AOPEP: variants seen among roughly 807,000 people sequenced by gnomAD.
AOPEP encodes the protein aminopeptidase O (putative).
Under a neutral mutation model 98.1 loss-of-function variants are expected in AOPEP, and 77 were observed. That is an observed-to-expected ratio of 0.78 (90% CI 0.65 to 0.95). The LOEUF (loss-of-function observed/expected upper bound fraction) is 0.95. Ranked by LOEUF, AOPEP falls within the 40% of genes least tolerant of loss-of-function variation. The pLI is 0.00. For synonymous variants in AOPEP, 346 were observed against 365.3 expected (o/e 0.95, Z 0.60); for missense variants, 1,024 against 1,024.7 (o/e 1.00, Z 0.01).
rs1399074502 is a variant in AOPEP, at chr9:95,003,597, TTTATAA to T, written c.1978-1556_1978-1551del. 3.3e-5 allele frequency among the ~76,000 whole-genome samples: 5 copies of T among 152,244 alleles called. No homozygotes were observed. The East Asian group carries it at 7.7e-4, about 23-fold the overall frequency. ...CAGCTCAGAATAATCCACTTCACCA[TTTATAA>T]TTATTTACCTGCCTATGTGCAAGAT... On this transcript the variant is annotated intron_variant, in intron 11 of 16. Transcript: ENST00000375315.
the AOPEP span, among the ~76,000 whole-genome samples, chr9:95,107,984 C>A: frequency 6.6e-6 from 1 of 152,166 alleles, no homozygotes; most frequent in African/African-American, 2.4e-5. Context: ...TACACCCAGT[C>A]GTGACTTGGA....
the AOPEP span, among the ~76,000 whole-genome samples, chr9:95,136,412 T>C: frequency 6.6e-6 from 1 of 151,660 alleles, no homozygotes; most frequent in African/African-American, 2.4e-5. Context: ...TCATATATGG[T>C]AGTTATGGCC....
intron 3 of AOPEP, among the ~76,000 whole-genome samples, chr9:94,773,654 TAAGA>T (rs1466553065): frequency 6.6e-6 from 1 of 152,208 alleles, no homozygotes; most frequent in Admixed American, 6.5e-5. Flanking sequence ...CAAAGGTGTA[TAAGA>T]AAGATGGAAG....
intron 5 of AOPEP, among the ~76,000 whole-genome samples, chr9:94,903,547 G>C: frequency 6.6e-6 from 1 of 151,808 alleles, no homozygotes. Context: ...CCAGTACATT[G>C]GGAGGCTGAG....
chr9:94,841,995 A>G (rs748706532), intron 5 of AOPEP, among the ~76,000 whole-genome samples: 2 of 151,886 alleles, frequency 1.3e-5, no homozygotes, highest in African/African-American at 4.8e-5. Flanking sequence ...CAAGGCTGCA[A>G]TGAGCTATGG....
rs114330131 is a variant in AOPEP, at chr9:94,835,406, T to C, written c.1364+34404T>C. On this transcript the variant is annotated intron_variant, in intron 5 of 16. Transcript: ENST00000375315. ...AACCTTGGCCAGTATTTTCTTTTAT[T>C]CTGCATATCACTAGAAACAGAACAG... Among the ~76,000 whole-genome samples the C allele has an allele frequency of 6.5e-3, 992 of 152,336 alleles. 9 individuals carry two copies. The highest frequency in any genetic ancestry group is 0.023 in the African/African-American group (936 of 41,570).
chr9:95,089,065 C>A (rs1408415210), downstream of AOPEP, among the ~76,000 whole-genome samples: 3 of 152,214 alleles, frequency 2.0e-5, no homozygotes, highest in African/African-American at 7.2e-5. Flanking sequence ...CGAGGCTCTG[C>A]AACTGCCCTC....
intron 5 of AOPEP, among the ~76,000 whole-genome samples, chr9:94,864,357 T>G (rs1245429059): frequency 6.6e-6 from 1 of 152,232 alleles, no homozygotes; most frequent in African/African-American, 2.4e-5. Flanking sequence ...ACTCAGTTGC[T>G]TATTATATGA....
chr9:95,100,517 C>T, the AOPEP span: 1 of 232,168 alleles, frequency 4.3e-6, no homozygotes, highest in African/African-American at 2.2e-5. Flanking sequence ...TCTTGACTCA[C>T]TTGACAAACA....
chr9:94,903,623 T>TAAAA (rs11375914), intron 5 of AOPEP, among the ~76,000 whole-genome samples: 4 of 136,664 alleles, frequency 2.9e-5, no homozygotes, highest in African/African-American at 8.2e-5. Flanking sequence ...ACTCCATCTC[T>TAAAA]AAAAAAAAAA....
chr9:94,787,203 G>T (rs1844622349), intron 3 of AOPEP, among the ~76,000 whole-genome samples: 1 of 152,116 alleles, frequency 6.6e-6, no homozygotes, highest in Non-Finnish European at 1.5e-5. Flanking sequence ...CAAACTCTGG[G>T]TCATTTACGG....
At chr9:94,855,954 CATT>C (rs745785880) in intron 5 of AOPEP, among the ~76,000 whole-genome samples, 10 of 152,100 alleles carry the variant, frequency 6.6e-5, no homozygotes, top group Non-Finnish European at 1.3e-4. Flanking sequence ...ATTGAGGAAA[CATT>C]AGAATAAGAA....
intron 9 of AOPEP, among the ~76,000 whole-genome samples, chr9:94,956,825 TGTGA>T (rs1212845818): frequency 6.6e-6 from 1 of 152,238 alleles, no homozygotes; most frequent in Non-Finnish European, 1.5e-5. Flanking sequence ...CATATACAGC[TGTGA>T]GTCTCATTAT....
At chr9:95,023,831 G>A (rs1280650075) in intron 13 of AOPEP, among the ~76,000 whole-genome samples, 1 of 152,200 alleles carries the variant, frequency 6.6e-6, no homozygotes, top group Non-Finnish European at 1.5e-5. Context: ...AATGGGTCCA[G>A]TGTTTGTCCC....
chr9:94,795,644 T>C (rs1033718760), intron 4 of AOPEP, among the ~76,000 whole-genome samples: 1 of 152,146 alleles, frequency 6.6e-6, no homozygotes, highest in Non-Finnish European at 1.5e-5. Flanking sequence ...CAAAGAGATG[T>C]GGGGTTGAGG....
At chr9:94,752,287 A>G (rs966872932) in intron 1 of AOPEP, among the ~76,000 whole-genome samples, 1 of 152,064 alleles carries the variant, frequency 6.6e-6, no homozygotes, top group African/African-American at 2.4e-5. Context: ...CTGAAGTGTA[A>G]GGAAATCTCC....
chr9:95,107,712 TGGGGGTCAGGGCG>T, the AOPEP span, among the ~76,000 whole-genome samples: 1 of 151,956 alleles, frequency 6.6e-6, no homozygotes, highest in East Asian at 1.9e-4. Flanking sequence ...CTTGCTATAT[TGGGGGTCAGGGCG>T]GGGGGTCGGG....
intron 13 of AOPEP, among the ~76,000 whole-genome samples, chr9:95,035,552 C>A (rs2064739133): frequency 1.0e-5 from 1 of 100,250 alleles, no homozygotes; most frequent in Non-Finnish European, 1.8e-5. Flanking sequence ...GAGTTTCGCT[C>A]TTGTTGCCCA....
At chr9:94,961,513 G>A (rs2058840640) in intron 9 of AOPEP, among the ~76,000 whole-genome samples, 1 of 151,976 alleles carries the variant, frequency 6.6e-6, no homozygotes, top group African/African-American at 2.4e-5. Context: ...GTATTAATCC[G>A]AAGCAACCCC....
Sources: gnomAD v4.1 joint callset for allele counts (sites outside exome capture counted in the v4.1 genomes callset) on GRCh38, gnomAD v4.1.1 for gene constraint, MANE v1.5 for transcripts, NCBI Gene and HGNC (gene_info 2026-07-23, HGNC 2026-07-21) for gene names.